The following PCNX2 variants were observed in gnomAD, a reference collection of about 807,000 sequenced individuals.
PCNX2 encodes the protein pecanex 2.
Under a neutral mutation model 223.8 loss-of-function variants are expected in PCNX2, and 168 were observed. That is an observed-to-expected ratio of 0.75 (90% CI 0.66 to 0.85). PCNX2 has a LOEUF of 0.85. PCNX2 is among the 40% of genes least tolerant of loss of function. The pLI is 0.00. For missense variants in PCNX2, 2,507 were observed against 2,675.5 expected, an observed-to-expected ratio of 0.94 and a Z score of 1.39; for synonymous variants, 1,006 against 1,052.6, an observed-to-expected ratio of 0.96 and a Z score of 0.86.
chr1:233,128,614 C>A (rs147407861), intron 21 of PCNX2, among the ~76,000 whole-genome samples: 3,021 of 152,274 alleles, frequency 0.02, 56 homozygotes, highest in Non-Finnish European at 0.034. Flanking sequence ...GGATTACAGG[C>A]GTGAGCCACT....
intron 10 of PCNX2, among the ~76,000 whole-genome samples, chr1:233,221,134 T>C (rs1295850685): frequency 6.6e-6 from 1 of 151,982 alleles, no homozygotes; most frequent in African/African-American, 2.4e-5. Flanking sequence ...GGTAGAAAGA[T>C]AACATAGAAA....
Position 232,998,352 on chromosome 1 carries a change from T to C in PCNX2, c.5690A>G (p.Asn1897Ser). The C allele has an allele frequency of 1.2e-6, 2 of 1,613,374 alleles. No homozygotes were observed. The highest frequency in any genetic ancestry group is 1.7e-6 in the Non-Finnish European group (2 of 1,179,666). ...DGGGAPTTGG[N>S]NAPSGGSQES... ...CTGGCTGCCACCACTCGGGGCATTG[T>C]TGCCACCTGTCGTCGGGGCCCCTCC... is the stretch of plus-strand genomic sequence containing the variant. The change falls in exon 32 of 34, where the codon AAC becomes AGC. Residue 1897 changes from asparagine to serine, a missense_variant. Coordinates refer to ENST00000258229, the MANE Select transcript of PCNX2 (RefSeq NM_014801.4).
At chr1:233,024,211 G>A (rs1671004800) in intron 26 of PCNX2, among the ~76,000 whole-genome samples, 1 of 152,214 alleles carries the variant, frequency 6.6e-6, no homozygotes, top group African/African-American at 2.4e-5. Context: ...CACCATGTCT[G>A]GATTTATTCC....
At chr1:233,085,371 G>A (rs1673552137) in intron 23 of PCNX2, among the ~76,000 whole-genome samples, 1 of 151,142 alleles carries the variant, frequency 6.6e-6, no homozygotes, top group Non-Finnish European at 1.5e-5. Context: ...GCTTTTTGCA[G>A]GGCCCCATTA....
chr1:233,060,517 C>T (rs1284187117), intron 23 of PCNX2, among the ~76,000 whole-genome samples: 1 of 152,230 alleles, frequency 6.6e-6, no homozygotes, highest in Non-Finnish European at 1.5e-5. Context: ...TGGCTCTCCA[C>T]ACATTCTCTA....
intron 21 of PCNX2, among the ~76,000 whole-genome samples, chr1:233,103,065 T>C (rs966186783): frequency 1.3e-5 from 2 of 152,246 alleles, no homozygotes; most frequent in African/African-American, 4.8e-5. Flanking sequence ...AGAGATAGGA[T>C]GAAACTAGAT....
chr1:233,186,528 G>T (rs1449608304), intron 15 of PCNX2, among the ~76,000 whole-genome samples: 1 of 152,144 alleles, frequency 6.6e-6, no homozygotes, highest in Non-Finnish European at 1.5e-5. Flanking sequence ...AACCCCTAGA[G>T]TGCACCCCTG....
rs1660027312 is a variant in PCNX2, at chr1:233,261,327, C to T, written c.481-6G>A. ...GTTTCCTGTGCTGACAACTCCTACA[C>T]AAATGAAAGAAACAAAAATCAATAG... On this transcript the variant is annotated splice_polypyrimidine_tract_variant and splice_region_variant and intron_variant, in intron 3 of 33. Coordinates refer to ENST00000258229, the MANE Select transcript of PCNX2 (RefSeq NM_014801.4). 1 of 1,612,340 alleles carries T rather than the reference C, an allele frequency of 6.2e-7. No individual in the cohort carries two copies. The highest frequency in any genetic ancestry group is 8.5e-7 in the Non-Finnish European group (1 of 1,178,886).
chr1:233,222,414 G>T (rs1366904360), intron 10 of PCNX2, among the ~76,000 whole-genome samples: 1 of 152,118 alleles, frequency 6.6e-6, no homozygotes, highest in Non-Finnish European at 1.5e-5. Flanking sequence ...GTGTACAGGG[G>T]CTGAGCATGA....
At chr1:232,987,238 A>G (rs915922380) in intron 32 of PCNX2, among the ~76,000 whole-genome samples, 2 of 152,170 alleles carry the variant, frequency 1.3e-5, no homozygotes, top group African/African-American at 4.8e-5. Context: ...AGACAAGGCC[A>G]TTTTTGACAA....
At chr1:233,150,480 T>C (rs1677732229) in intron 19 of PCNX2, among the ~76,000 whole-genome samples, 1 of 152,238 alleles carries the variant, frequency 6.6e-6, no homozygotes, top group African/African-American at 2.4e-5. Context: ...AATCAGAATA[T>C]TAAAGTTTAT....
chr1:233,118,068 C>G (rs1198938019), intron 21 of PCNX2, among the ~76,000 whole-genome samples: 6 of 151,664 alleles, frequency 4.0e-5, no homozygotes, highest in African/African-American at 1.5e-4. Context: ...TTCAGGGATG[C>G]AAGGTTGGTT....
At chr1:233,105,506 C>A (rs1426374492) in intron 21 of PCNX2, among the ~76,000 whole-genome samples, 2 of 152,016 alleles carry the variant, frequency 1.3e-5, no homozygotes, top group East Asian at 1.9e-4. Context: ...ATCTGATTAA[C>A]CTAAAACAGA....
At chr1:233,095,917 C>G in intron 21 of PCNX2, 54 bp from the exon 22 acceptor site, 3 of 1,319,336 alleles carry the variant, frequency 2.3e-6, no homozygotes, top group Non-Finnish European at 3.2e-6. Context: ...ACAGTGGTAA[C>G]TGCATCAAGG....
At chr1:233,025,956 A>G (rs1671066049) in intron 25 of PCNX2, among the ~76,000 whole-genome samples, 1 of 152,366 alleles carries the variant, frequency 6.6e-6, no homozygotes, top group East Asian at 1.9e-4. Flanking sequence ...ATAAATAAAC[A>G]AACTGATGAG....
chr1:233,069,727 C>G (rs890147850), intron 23 of PCNX2, among the ~76,000 whole-genome samples: 2 of 151,908 alleles, frequency 1.3e-5, no homozygotes, highest in Non-Finnish European at 2.9e-5. Flanking sequence ...CAAGATTTGT[C>G]GAACATAGCT....
intron 21 of PCNX2, among the ~76,000 whole-genome samples, chr1:233,133,520 G>A (rs747534591): frequency 8.5e-5 from 13 of 152,126 alleles, no homozygotes; most frequent in Non-Finnish European, 1.8e-4. Flanking sequence ...TGACACAAGA[G>A]GGACGTAGGT....
chr1:233,293,505 A>G (rs1661890161), intron 1 of PCNX2, among the ~76,000 whole-genome samples: 1 of 152,240 alleles, frequency 6.6e-6, no homozygotes, highest in African/African-American at 2.4e-5. Context: ...TAAGTACCAG[A>G]CAGAATTCGA....
intron 1 of PCNX2, among the ~76,000 whole-genome samples, chr1:233,264,838 G>C (rs1339438932): frequency 6.6e-6 from 1 of 152,116 alleles, no homozygotes; most frequent in African/African-American, 2.4e-5. Context: ...ACTACTAATA[G>C]TTTTGGGTTT....
Sources: gnomAD v4.1 joint callset for allele counts (sites outside exome capture counted in the v4.1 genomes callset) on GRCh38, gnomAD v4.1.1 for gene constraint, MANE v1.5 for transcripts, NCBI Gene and HGNC (gene_info 2026-07-23, HGNC 2026-07-21) for gene names.